RCAN2: variants seen among roughly 807,000 people sequenced by gnomAD.
RCAN2 encodes calcipressin-2.
A neutral mutation model predicts 23.6 loss-of-function variants in RCAN2; 9 were observed. That is an observed-to-expected ratio of 0.38 (90% CI 0.23 to 0.67). The LOEUF is 0.67. Ranked by LOEUF, RCAN2 falls within the 30% of genes least tolerant of loss-of-function variation. The probability of loss-of-function intolerance (pLI) is 0.51; values close to 1 mark genes in which losing one functional copy is unlikely to be tolerated. For missense variants in RCAN2, 273 were observed against 302.3 expected, an observed-to-expected ratio of 0.90 and a Z score of 0.72; for synonymous variants, 109 against 115.7, an observed-to-expected ratio of 0.94 and a Z score of 0.37.
intron 2 of RCAN2, among the ~76,000 whole-genome samples, chr6:46,311,694 T>C (rs142126012): frequency 6.6e-6 from 1 of 152,240 alleles, no homozygotes; most frequent in Non-Finnish European, 1.5e-5. Flanking sequence ...CCTTGTTTCA[T>C]GAAATCTTGA....
intron 2 of RCAN2, among the ~76,000 whole-genome samples, chr6:46,319,647 T>C (rs1023429262): frequency 5.3e-5 from 8 of 152,210 alleles, no homozygotes; most frequent in Non-Finnish European, 7.3e-5. Context: ...CTTCCCTCTC[T>C]CTGAAAGATG....
intron 2 of RCAN2, among the ~76,000 whole-genome samples, chr6:46,294,492 G>C (rs897609327): frequency 6.6e-6 from 1 of 152,136 alleles, no homozygotes; most frequent in Admixed American, 6.6e-5. Flanking sequence ...TGAGAGGAAA[G>C]AGTTAAAGAT....
chr6:46,411,373 T>C (rs1321584017), intron 2 of RCAN2, among the ~76,000 whole-genome samples: 1 of 152,122 alleles, frequency 6.6e-6, no homozygotes, highest in African/African-American at 2.4e-5. Flanking sequence ...GAGTTTCAGT[T>C]TGGGAAGATG....
intron 1 of RCAN2, among the ~76,000 whole-genome samples, chr6:46,464,682 G>A (rs992877217): frequency 2.0e-5 from 3 of 152,176 alleles, no homozygotes; most frequent in African/African-American, 7.2e-5. Flanking sequence ...CACCTGCTGA[G>A]CTATGTGAAC....
chr6:46,437,250 C>CTTTA lies in RCAN2; in HGVS notation c.225+19501_225+19502insTAAA, dbSNP rs1767401497. On this transcript the variant is annotated intron_variant, in intron 2 of 4. Transcript: ENST00000371374. ...TGCTCAATCCTTTTTAATGCCCTGC[C>CTTTA]ATCAAGTTCCAATACAGTTTACAGT... 3.3e-5 allele frequency among the ~76,000 whole-genome samples: 5 copies of CTTTA among 152,286 alleles called. No homozygotes were observed. The East Asian group carries it at 5.8e-4, about 18-fold the overall frequency.
At chr6:46,314,526 A>C (rs1346859323) in intron 2 of RCAN2, among the ~76,000 whole-genome samples, 1 of 152,078 alleles carries the variant, frequency 6.6e-6, no homozygotes, top group East Asian at 1.9e-4. Flanking sequence ...AAAAAACAAA[A>C]AAAAAAACTG....
intron 2 of RCAN2, among the ~76,000 whole-genome samples, chr6:46,419,143 C>G (rs977671824): frequency 6.6e-6 from 1 of 152,186 alleles, no homozygotes; most frequent in Non-Finnish European, 1.5e-5. Context: ...CATCTCTTCT[C>G]AACCCTACAT....
chr6:46,283,709 T>C (rs1762275422), intron 2 of RCAN2, among the ~76,000 whole-genome samples: 1 of 152,240 alleles, frequency 6.6e-6, no homozygotes, highest in Non-Finnish European at 1.5e-5. Context: ...ACACATCAGT[T>C]TCCCAAAGGC....
In RCAN2 at chr6:46,246,845, C is replaced by A. The variant is rs367741318; in HGVS notation, c.474G>T (p.Ser158=). Residue 158 remains serine, a synonymous_variant, in exon 4 of 5, where the codon TCG becomes TCT. Coordinates refer to ENST00000371374, the MANE Select transcript of RCAN2 (RefSeq NM_001251974.2). ...PPQPAKQFLI[S]PPSSPPVGWQ... is the part of the protein sequence containing the mutation. Reference sequence around the variant, plus strand: ...AGCCAACAGGTGGGGAGGAAGGGGGCGAGATGAGAAACTGTTTGGCAGGCT... The same window carrying A: ...AGCCAACAGGTGGGGAGGAAGGGGGAGAGATGAGAAACTGTTTGGCAGGCT... The A allele has an allele frequency of 6.8e-6, 11 of 1,612,112 alleles. No homozygotes were observed. The African/African-American group carries it at 1.2e-4, about 18-fold the overall frequency.
At chr6:46,389,156 G>A (rs1765856385) in intron 2 of RCAN2, among the ~76,000 whole-genome samples, 1 of 152,084 alleles carries the variant, frequency 6.6e-6, no homozygotes, top group Admixed American at 6.5e-5. Context: ...AGTTTCAGAG[G>A]CTTCCTGTGA....
intron 2 of RCAN2, among the ~76,000 whole-genome samples, chr6:46,451,522 C>T (rs1438671148): frequency 1.3e-5 from 2 of 152,026 alleles, no homozygotes; most frequent in African/African-American, 2.4e-5. Flanking sequence ...GATTGTGGAC[C>T]GGCAGTTGTA....
chr6:46,440,670 A>T (rs775747302), intron 2 of RCAN2, among the ~76,000 whole-genome samples: 1 of 152,236 alleles, frequency 6.6e-6, no homozygotes, highest in South Asian at 2.1e-4. Context: ...GAAAAAAGAT[A>T]GTTGCTATGA....
At chr6:46,376,385 T>C (rs1467518575) in intron 2 of RCAN2, among the ~76,000 whole-genome samples, 2 of 152,208 alleles carry the variant, frequency 1.3e-5, no homozygotes, top group African/African-American at 2.4e-5. Flanking sequence ...CCACAACAAC[T>C]GATGCCATCA....
At chr6:46,360,306 G>A (rs1312095625) in intron 2 of RCAN2, among the ~76,000 whole-genome samples, 1 of 151,992 alleles carries the variant, frequency 6.6e-6, no homozygotes, top group Non-Finnish European at 1.5e-5. Context: ...GCCGAGGTGG[G>A]CGGATCATGA....
At chr6:46,246,256 A>G (rs1366570538) in intron 4 of RCAN2, among the ~76,000 whole-genome samples, 2 of 152,324 alleles carry the variant, frequency 1.3e-5, no homozygotes, top group Non-Finnish European at 2.9e-5. Context: ...TTTTAAAGTT[A>G]GAGGCTGCTG....
intron 2 of RCAN2, among the ~76,000 whole-genome samples, chr6:46,380,685 C>A (rs1765596994): frequency 6.6e-6 from 1 of 152,172 alleles, no homozygotes; most frequent in Admixed American, 6.5e-5. Flanking sequence ...ACTAAAGAAA[C>A]CTGAGTCCTA....
At chr6:46,450,839 G>A (rs1375959692) in intron 2 of RCAN2, among the ~76,000 whole-genome samples, 1 of 152,016 alleles carries the variant, frequency 6.6e-6, no homozygotes, top group African/African-American at 2.4e-5. Context: ...GAGTTCAAAA[G>A]ATCTATTCTA....
intron 2 of RCAN2, among the ~76,000 whole-genome samples, chr6:46,412,069 G>C (rs143587297): frequency 6.6e-6 from 1 of 152,310 alleles, no homozygotes; most frequent in Non-Finnish European, 1.5e-5. Flanking sequence ...CTACGGAAAA[G>C]AGACAATGGT....
At chr6:46,384,097 G>A (rs1043480684) in intron 2 of RCAN2, among the ~76,000 whole-genome samples, 7 of 152,164 alleles carry the variant, frequency 4.6e-5, no homozygotes, top group Non-Finnish European at 8.8e-5. Flanking sequence ...AGCCTCCTAT[G>A]AGGTTCCAGG....
Sources: gnomAD v4.1 joint callset for allele counts (sites outside exome capture counted in the v4.1 genomes callset) on GRCh38, gnomAD v4.1.1 for gene constraint, MANE v1.5 for transcripts, NCBI Gene and HGNC (gene_info 2026-07-23, HGNC 2026-07-21) for gene names.